Variants in PCSK5 observed in about 807,000 individuals in gnomAD.
PCSK5 encodes the protein prohormone convertase 5.
PCSK5 carries 129 observed loss-of-function variants against 233.2 expected under a neutral mutation model. The observed-to-expected ratio is 0.55, with a 90% CI of 0.48 to 0.64. The LOEUF (loss-of-function observed/expected upper bound fraction) is 0.64. PCSK5 is among the 30% of genes least tolerant of loss of function. The probability of loss-of-function intolerance (pLI) is 0.00; values close to 1 mark genes in which losing one functional copy is unlikely to be tolerated. For missense variants in PCSK5, 2,076 were observed against 2,430.1 expected (o/e 0.85, Z 3.06); for synonymous variants, 825 against 879.2 (o/e 0.94, Z 1.09).
intron 2 of PCSK5, among the ~76,000 whole-genome samples, chr9:75,950,639 T>A (rs1460974427): frequency 6.6e-6 from 1 of 152,142 alleles, no homozygotes; most frequent in Non-Finnish European, 1.5e-5. Flanking sequence ...AAGCAAATGC[T>A]GGGAGATTTT....
At chr9:76,339,334 C>T (rs1829766384) in intron 35 of PCSK5, among the ~76,000 whole-genome samples, 1 of 151,832 alleles carries the variant, frequency 6.6e-6, no homozygotes, top group South Asian at 2.1e-4. Context: ...ATTTTTAGTT[C>T]TTTTATATAA....
chr9:75,942,122 G>A (rs1305246200), intron 2 of PCSK5, among the ~76,000 whole-genome samples: 2 of 152,220 alleles, frequency 1.3e-5, no homozygotes, highest in Non-Finnish European at 2.9e-5. Context: ...ATGCGCCAAA[G>A]CGTAGCGCAC....
At chr9:76,161,798 T>C (rs1822872077) in intron 12 of PCSK5, among the ~76,000 whole-genome samples, 1 of 152,228 alleles carries the variant, frequency 6.6e-6, no homozygotes, top group African/African-American at 2.4e-5. Flanking sequence ...AACATCTGCT[T>C]TGCTCTTTGC....
intron 5 of PCSK5, among the ~76,000 whole-genome samples, chr9:76,033,246 C>T (rs1330986062): frequency 1.3e-5 from 2 of 152,038 alleles, no homozygotes; most frequent in Admixed American, 1.3e-4. Context: ...TATAATAGTA[C>T]TAGAGGAAAA....
chr9:76,239,310 G>C (rs1382330133), intron 23 of PCSK5, 145 bp downstream of exon 23: 5 of 645,092 alleles, frequency 7.8e-6, no homozygotes, highest in Non-Finnish European at 1.4e-5. Flanking sequence ...CTAGTGGGGA[G>C]AGAGGTAACT....
intron 21 of PCSK5, among the ~76,000 whole-genome samples, chr9:76,230,289 C>A (rs959788843): frequency 6.6e-6 from 1 of 152,112 alleles, no homozygotes; most frequent in Admixed American, 6.6e-5. Context: ...GGAGATCTCA[C>A]CTATGCTTTT....
intron 1 of PCSK5, among the ~76,000 whole-genome samples, chr9:75,920,242 G>A (rs1365097423): frequency 6.6e-6 from 1 of 152,138 alleles, no homozygotes; most frequent in Non-Finnish European, 1.5e-5. Context: ...TTAAAACTCA[G>A]AGTGACAGGG....
At chr9:76,357,524 A>C (rs1229805853) in intron 37 of PCSK5, among the ~76,000 whole-genome samples, 2 of 152,192 alleles carry the variant, frequency 1.3e-5, no homozygotes, top group African/African-American at 4.8e-5. Context: ...ATCTCAAAAA[A>C]AAAAACTCTT....
intron 36 of PCSK5, 51 bp downstream of exon 36, chr9:76,350,979 T>C (rs1830108489): frequency 1.1e-6 from 1 of 876,430 alleles, no homozygotes; most frequent in African/African-American, 1.7e-5. Flanking sequence ...GAGGGAAACA[T>C]GAGCTTACTT....
chr9:75,965,426 C>T (rs925509866), intron 2 of PCSK5, among the ~76,000 whole-genome samples: 1 of 152,158 alleles, frequency 6.6e-6, no homozygotes, highest in African/African-American at 2.4e-5. Context: ...CAGCCTGAGT[C>T]CAAAGGTCTG....
intron 6 of PCSK5, among the ~76,000 whole-genome samples, chr9:76,070,858 A>G (rs1303762167): frequency 6.6e-6 from 1 of 152,128 alleles, no homozygotes. Context: ...TTTCCTAAGG[A>G]TTAAATTTGG....
intron 3 of PCSK5, among the ~76,000 whole-genome samples, chr9:76,012,821 C>T (rs1456510761): frequency 6.6e-6 from 1 of 152,158 alleles, no homozygotes; most frequent in African/African-American, 2.4e-5. Context: ...GAAACCCTAC[C>T]TCTTCTGATA....
chr9:76,362,434 T>C lies in PCSK5; in HGVS notation c.*3512T>C, dbSNP rs1830444635. ...CCAAGTAAGAGATACACAACAAGAG[T>C]GCTATTTTTTCTTCTTTTTATCTTC... On this transcript the variant is annotated 3_prime_UTR_variant, in exon 38 of 38. Transcript: ENST00000674117. 6.6e-6 allele frequency: 1 copy of C among 152,122 alleles called. No homozygotes were observed. Among genetic ancestry groups the C allele is most frequent in the African/African-American group, 2.4e-5 (1 of 41,392 alleles). 9.4% of individuals were successfully genotyped at this position (152,122 alleles called of 1,614,324 possible). A position where few individuals can be genotyped will look rare whatever the true frequency, so the allele number is the denominator to read the frequency against.
At chr9:76,194,437 A>T (rs967788913) in intron 20 of PCSK5, 2 of 153,306 alleles carry the variant, frequency 1.3e-5, no homozygotes, top group African/African-American at 4.8e-5. Flanking sequence ...TATTAGAAGA[A>T]GTTTTTTCAT....
intron 33 of PCSK5, among the ~76,000 whole-genome samples, chr9:76,331,530 G>C (rs1467332970): frequency 1.3e-5 from 2 of 152,132 alleles, no homozygotes; most frequent in African/African-American, 4.8e-5. Flanking sequence ...AGCTGGGTGT[G>C]GTGGCAGGTG....
intron 5 of PCSK5, among the ~76,000 whole-genome samples, chr9:76,064,585 C>T (rs1437210653): frequency 1.4e-5 from 2 of 145,680 alleles, no homozygotes; most frequent in Non-Finnish European, 3.0e-5. Flanking sequence ...GGGGTGGCTG[C>T]CGGGCGGAGA....
At chr9:76,303,700 G>C (rs1022687576) in intron 28 of PCSK5, among the ~76,000 whole-genome samples, 1 of 152,200 alleles carries the variant, frequency 6.6e-6, no homozygotes, top group Admixed American at 6.5e-5. Flanking sequence ...CTTTGGGGCT[G>C]AGTGATACTG....
chr9:76,150,183 T>A (rs1823609945), intron 10 of PCSK5, among the ~76,000 whole-genome samples: 1 of 152,070 alleles, frequency 6.6e-6, no homozygotes. Flanking sequence ...ACCAAACCCA[T>A]CCCCAAGAGT....
At chr9:76,045,861 G>A (rs997335993) in intron 5 of PCSK5, among the ~76,000 whole-genome samples, 2 of 152,168 alleles carry the variant, frequency 1.3e-5, no homozygotes, top group Non-Finnish European at 2.9e-5. Context: ...TGTTGATAAA[G>A]GGTGTGGCGG....
Sources: gnomAD v4.1 joint callset for allele counts (sites outside exome capture counted in the v4.1 genomes callset) on GRCh38, gnomAD v4.1.1 for gene constraint, MANE v1.5 for transcripts, NCBI Gene and HGNC (gene_info 2026-07-23, HGNC 2026-07-21) for gene names.